Variants in SHISA9 observed in about 807,000 individuals in gnomAD.
SHISA9 encodes the protein shisa family member 9, also known as protein shisa-9.
In SHISA9, 13 loss-of-function variants were observed where a neutral mutation model predicts 38.0. The observed-to-expected ratio is 0.34, with a 90% CI of 0.22 to 0.54. SHISA9 has a LOEUF of 0.54. Ranked by LOEUF, SHISA9 falls within the 20% of genes least tolerant of loss-of-function variation. The probability of loss-of-function intolerance (pLI) is 0.91; values close to 1 mark genes in which losing one functional copy is unlikely to be tolerated. For synonymous variants in SHISA9, 275 were observed against 242.0 expected, an observed-to-expected ratio of 1.14 and a Z score of -1.27; for missense variants, 538 against 575.8, an observed-to-expected ratio of 0.93 and a Z score of 0.67.
At chr16:13,165,273 GCTGT>G (rs953559997) in intron 2 of SHISA9, among the ~76,000 whole-genome samples, 5 of 151,868 alleles carry the variant, frequency 3.3e-5, no homozygotes, top group East Asian at 1.9e-4. Context: ...TTCATATTTT[GCTGT>G]CTGTTTTAAT....
the SHISA9 span, among the ~76,000 whole-genome samples, chr16:13,413,197 T>C: frequency 6.6e-6 from 1 of 152,190 alleles, no homozygotes; most frequent in Admixed American, 6.5e-5. Flanking sequence ...ATTAGGGTCT[T>C]CGAATTTTCA....
rs536323817 is a variant in SHISA9, at chr16:13,088,963, T to G, written c.692-114431T>G. The stretch of plus-strand genomic sequence containing the variant: ...GCTGTGGGTTTGTCTTAAATAGCTC[T>G]TATTATTTTGAGATACGTTCCATCA... On this transcript the variant is annotated intron_variant, in intron 2 of 4. Transcript: ENST00000558583. 1.1e-4 allele frequency among the ~76,000 whole-genome samples: 17 copies of G among 152,324 alleles called. No homozygotes were observed. In the East Asian group the frequency reaches 3.1e-3, roughly 28 times the overall value.
chr16:13,539,360 A>AC, the SHISA9 span, among the ~76,000 whole-genome samples: 20 of 88,070 alleles, frequency 2.3e-4, no homozygotes, highest in South Asian at 9.9e-3. Context: ...TATATATATA[A>AC]AGACAGGATC....
At chr16:13,149,006 A>T (rs1301020379) in intron 2 of SHISA9, among the ~76,000 whole-genome samples, 1 of 152,114 alleles carries the variant, frequency 6.6e-6, no homozygotes, top group Non-Finnish European at 1.5e-5. Context: ...ACGGAAGTGC[A>T]ACACCCTTTC....
intron 2 of SHISA9, among the ~76,000 whole-genome samples, chr16:13,019,280 G>T (rs1013667687): frequency 8.5e-5 from 13 of 152,090 alleles, no homozygotes; most frequent in African/African-American, 3.1e-4. Context: ...GATTACAGAC[G>T]TGAGCCACCA....
At chr16:13,159,185 C>G (rs1294507501) in intron 2 of SHISA9, among the ~76,000 whole-genome samples, 1 of 152,038 alleles carries the variant, frequency 6.6e-6, no homozygotes, top group Non-Finnish European at 1.5e-5. Flanking sequence ...ATCTGGAAAA[C>G]AAGACCTATT....
chr16:13,058,221 C>T (rs2073332591), intron 2 of SHISA9, among the ~76,000 whole-genome samples: 1 of 152,076 alleles, frequency 6.6e-6, no homozygotes, highest in Admixed American at 6.5e-5. Flanking sequence ...TTGCTTATTG[C>T]CTGGTCATAC....
the SHISA9 span, among the ~76,000 whole-genome samples, chr16:13,254,676 A>G: frequency 6.6e-6 from 1 of 152,208 alleles, no homozygotes; most frequent in Admixed American, 6.5e-5. Context: ...CCAGAACCAA[A>G]TAGAGTCTTT....
At chr16:13,168,381 T>A (rs1225286197) in intron 2 of SHISA9, among the ~76,000 whole-genome samples, 2 of 152,234 alleles carry the variant, frequency 1.3e-5, no homozygotes, top group Non-Finnish European at 2.9e-5. Context: ...CTCATAGCAA[T>A]GCCATCCAAA....
At chr16:12,910,764 T>A in intron 1 of SHISA9, 2 of 972,190 alleles carry the variant, frequency 2.1e-6, no homozygotes, top group Non-Finnish European at 2.4e-6. Context: ...ACAGAACAAA[T>A]ATACAAAGAG....
At chr16:13,085,992 C>T (rs2073706341) in intron 2 of SHISA9, among the ~76,000 whole-genome samples, 1 of 151,950 alleles carries the variant, frequency 6.6e-6, no homozygotes, top group South Asian at 2.1e-4. Flanking sequence ...ATAATGAAAA[C>T]ACAAGAGTAT....
the SHISA9 span, among the ~76,000 whole-genome samples, chr16:13,280,925 A>G: frequency 6.6e-6 from 1 of 151,922 alleles, no homozygotes; most frequent in Non-Finnish European, 1.5e-5. Flanking sequence ...AGTGAAAAGG[A>G]AACCCAAAGA....
chr16:13,335,021 T>C, the SHISA9 span, among the ~76,000 whole-genome samples: 1 of 152,186 alleles, frequency 6.6e-6, no homozygotes, highest in Non-Finnish European at 1.5e-5. Context: ...TCATGCTTCC[T>C]TCCTCCTGTG....
At chr16:13,377,982 G>C in the SHISA9 span, among the ~76,000 whole-genome samples, 3 of 152,190 alleles carry the variant, frequency 2.0e-5, no homozygotes, top group Non-Finnish European at 4.4e-5. Flanking sequence ...GCAGTGAGCT[G>C]AGATTGTGCC....
chr16:13,101,682 A>C (rs188087076), intron 2 of SHISA9, among the ~76,000 whole-genome samples: 1 of 152,282 alleles, frequency 6.6e-6, no homozygotes, highest in East Asian at 1.9e-4. Flanking sequence ...TTTTATTTCT[A>C]ATTTTTTGAG....
the SHISA9 span, among the ~76,000 whole-genome samples, chr16:13,462,633 T>C: frequency 1.3e-5 from 2 of 152,052 alleles, no homozygotes; most frequent in Non-Finnish European, 2.9e-5. Context: ...GAAACCAGCC[T>C]GGCCAACATG....
rs1047919532 is a variant in SHISA9, at chr16:12,956,810, C to T, written c.691+39995C>T. Among the ~76,000 whole-genome samples the T allele has an allele frequency of 3.9e-5, 6 of 151,916 alleles. No homozygotes were observed. In the East Asian group the frequency reaches 1.2e-3, roughly 29 times the overall value. ...TTTGGGTGATGGGTACACTAGAAGC[C>T]CAATCTCCACCATTACACAAAATAC... On this transcript the variant is annotated intron_variant, in intron 2 of 4. Coordinates refer to ENST00000558583, the MANE Select transcript of SHISA9 (RefSeq NM_001145204.3).
intron 1 of SHISA9, chr16:12,908,847 A>G: frequency 8.3e-7 from 1 of 1,209,082 alleles, no homozygotes; most frequent in Non-Finnish European, 1.0e-6. Flanking sequence ...ACTTGAAGCC[A>G]GTAGGGAACA....
chr16:13,065,183 T>C (rs1342359500), intron 2 of SHISA9, among the ~76,000 whole-genome samples: 1 of 152,154 alleles, frequency 6.6e-6, no homozygotes, highest in Non-Finnish European at 1.5e-5. Context: ...TTCATCTTCT[T>C]CTCCCCTTGT....
Sources: allele counts gnomAD v4.1 joint callset (sites outside exome capture counted in the v4.1 genomes callset), GRCh38; gene constraint gnomAD v4.1.1; transcripts MANE v1.5; gene names NCBI Gene and HGNC (gene_info 2026-07-23, HGNC 2026-07-21).